The following CREB3L2 variants were observed in gnomAD, a reference collection of about 807,000 sequenced individuals.
CREB3L2 encodes the protein cAMP responsive element binding protein 3 like 2.
A neutral mutation model predicts 57.2 loss-of-function variants in CREB3L2; 23 were observed. That is an observed-to-expected ratio of 0.40 (90% CI 0.29 to 0.57). The LOEUF (loss-of-function observed/expected upper bound fraction) is 0.57, where lower values mean the gene tolerates loss of function less well. Ranked by LOEUF, CREB3L2 falls within the 20% of genes least tolerant of loss-of-function variation. CREB3L2 has a pLI of 0.42. For missense variants in CREB3L2, 628 were observed against 634.7 expected, an observed-to-expected ratio of 0.99 and a Z score of 0.11; for synonymous variants, 268 against 265.1, an observed-to-expected ratio of 1.01 and a Z score of -0.11.
chr7:137,948,079 GATCTA>G (rs1324072586), intron 1 of CREB3L2, among the ~76,000 whole-genome samples: 2 of 152,134 alleles, frequency 1.3e-5, no homozygotes, highest in Non-Finnish European at 2.9e-5. Flanking sequence ...TCCTCACCTG[GATCTA>G]ATATCGAGGA....
chr7:137,958,083 G>A (rs906683638), intron 1 of CREB3L2: 13 of 245,522 alleles, frequency 5.3e-5, no homozygotes, highest in African/African-American at 2.7e-4. Flanking sequence ...GGTCACCAAG[G>A]GAAACAGGCA....
intron 7 of CREB3L2, among the ~76,000 whole-genome samples, chr7:137,902,754 T>A (rs188343654): frequency 5.9e-4 from 90 of 152,170 alleles, no homozygotes; most frequent in African/African-American, 2.1e-3. Context: ...AAATATGTGT[T>A]ATCTTGTATT....
At chr7:137,967,116 C>T (rs543585593) in intron 1 of CREB3L2, among the ~76,000 whole-genome samples, 138 of 152,340 alleles carry the variant, frequency 9.1e-4, no homozygotes, top group African/African-American at 3.1e-3. Context: ...CTCCTCTTTG[C>T]CCTGTGAGGA....
Position 137,878,651 on chromosome 7 carries a change from C to A in CREB3L2, c.*1825G>T, listed in dbSNP as rs1320486193. 3 of 233,818 alleles carry A rather than the reference C, an allele frequency of 1.3e-5. No homozygotes were observed. The highest frequency in any genetic ancestry group is 2.5e-5 in the Non-Finnish European group (3 of 118,620). The allele number at this position is 233,818 out of a possible 1,614,324, so 14.5% of individuals were successfully genotyped here. On this transcript the variant is annotated 3_prime_UTR_variant, in exon 12 of 12. Transcript: ENST00000330387. ...AACAGGGCTGCCAGGACTACGGGGG[C>A]CCGATCCAGCTTCCACTCACAGTGA...
intron 1 of CREB3L2, among the ~76,000 whole-genome samples, chr7:137,953,952 G>A (rs903187282): frequency 6.6e-6 from 1 of 152,230 alleles, no homozygotes; most frequent in Non-Finnish European, 1.5e-5. Flanking sequence ...TGTGTGAGCT[G>A]TAAACCTGGA....
intron 8 of CREB3L2, among the ~76,000 whole-genome samples, chr7:137,900,632 T>TA (rs77569914): frequency 0.025 from 3,417 of 138,196 alleles, 125 homozygotes; most frequent in African/African-American, 0.076. Flanking sequence ...CCATCTCTAC[T>TA]AAAAAAAAAA....
intron 6 of CREB3L2, 139 bp from the exon 7 acceptor site, chr7:137,904,156 G>A: frequency 1.4e-6 from 1 of 711,984 alleles, no homozygotes; most frequent in Non-Finnish European, 2.5e-6. Context: ...TAAGCTGCTG[G>A]TTCATTGACT....
At chr7:137,983,449 C>T (rs1054145434) in intron 1 of CREB3L2, among the ~76,000 whole-genome samples, 2 of 152,226 alleles carry the variant, frequency 1.3e-5, no homozygotes, top group African/African-American at 4.8e-5. Flanking sequence ...ATCTGGCTAA[C>T]TTAATACTCC....
chr7:137,972,329 T>C (rs1801521109), intron 1 of CREB3L2, among the ~76,000 whole-genome samples: 2 of 151,988 alleles, frequency 1.3e-5, no homozygotes, highest in East Asian at 1.9e-4. Context: ...TCCCAGCTAC[T>C]TGGGAGGCTG....
At chr7:137,952,467 C>A (rs1801121002) in intron 1 of CREB3L2, among the ~76,000 whole-genome samples, 1 of 152,182 alleles carries the variant, frequency 6.6e-6, no homozygotes. Context: ...GTCCATGACC[C>A]CTACGGTAGC....
At chr7:137,886,996 C>G (rs1475503041) in intron 8 of CREB3L2, among the ~76,000 whole-genome samples, 1 of 152,152 alleles carries the variant, frequency 6.6e-6, no homozygotes, top group Non-Finnish European at 1.5e-5. Context: ...TCCCCCACCC[C>G]CAAACCCAGT....
chr7:137,955,689 C>G (rs1455922960), intron 1 of CREB3L2, among the ~76,000 whole-genome samples: 1 of 152,168 alleles, frequency 6.6e-6, no homozygotes, highest in African/African-American at 2.4e-5. Context: ...AAACCCACCT[C>G]AAAGAGGCAG....
chr7:137,887,792 A>G (rs1799453890), intron 8 of CREB3L2, among the ~76,000 whole-genome samples: 2 of 151,736 alleles, frequency 1.3e-5, no homozygotes, highest in Admixed American at 1.3e-4. Flanking sequence ...GCAACACAGA[A>G]TCATTCATTC....
At chr7:137,902,347 C>T (rs192996441) in intron 7 of CREB3L2, among the ~76,000 whole-genome samples, 4 of 152,208 alleles carry the variant, frequency 2.6e-5, no homozygotes, top group Admixed American at 6.5e-5. Flanking sequence ...TCATACTTCT[C>T]CCTCTATACT....
chr7:137,904,776 T>A (rs909520653), intron 6 of CREB3L2, among the ~76,000 whole-genome samples: 3 of 150,622 alleles, frequency 2.0e-5, no homozygotes, highest in African/African-American at 7.3e-5. Context: ...GAGGCAGAGG[T>A]TGCAGTGAGC....
At chr7:137,958,390 C>T (rs1036627488) in intron 1 of CREB3L2, among the ~76,000 whole-genome samples, 1 of 152,070 alleles carries the variant, frequency 6.6e-6, no homozygotes, top group Admixed American at 6.5e-5. Flanking sequence ...TTTGGCCAGG[C>T]ACAGTGGTTC....
At chr7:137,899,044 AAAG>A (rs1799686327) in intron 8 of CREB3L2, among the ~76,000 whole-genome samples, 1 of 149,042 alleles carries the variant, frequency 6.7e-6, no homozygotes, top group South Asian at 2.2e-4. Flanking sequence ...AAGGAAGAAA[AAAG>A]AAAGAAAGAA....
chr7:137,934,655 GT>G (rs769857475), intron 1 of CREB3L2, among the ~76,000 whole-genome samples: 2 of 152,174 alleles, frequency 1.3e-5, no homozygotes, highest in Non-Finnish European at 2.9e-5. Flanking sequence ...TGAACACATG[GT>G]CTCCTGCACT....
intron 10 of CREB3L2, among the ~76,000 whole-genome samples, chr7:137,883,488 T>C (rs975339731): frequency 1.3e-5 from 2 of 152,234 alleles, no homozygotes; most frequent in Non-Finnish European, 2.9e-5. Context: ...GGTTTATATA[T>C]GGGCATATAG....
Sources: allele counts gnomAD v4.1 joint callset (sites outside exome capture counted in the v4.1 genomes callset), GRCh38; gene constraint gnomAD v4.1.1; transcripts MANE v1.5; gene names NCBI Gene and HGNC (gene_info 2026-07-23, HGNC 2026-07-21).